The following FAT3 variants were observed in gnomAD, a reference collection of about 807,000 sequenced individuals.
FAT3 encodes the protein protocadherin Fat 3.
FAT3 carries 95 observed loss-of-function variants against 310.2 expected under a neutral mutation model. That is an observed-to-expected ratio of 0.31 (90% CI 0.26 to 0.36). FAT3 has a LOEUF of 0.36. Among genes scored for constraint, FAT3 ranks in the 10% least tolerant of loss-of-function variants. The pLI, the probability that FAT3 is intolerant of heterozygous loss-of-function variation, is 1.00. For synonymous variants in FAT3, 2,314 were observed against 2,192.9 expected, an observed-to-expected ratio of 1.06 and a Z score of -1.54; for missense variants, 5,408 against 5,715.6, an observed-to-expected ratio of 0.95 and a Z score of 1.74.
chr11:92,852,132 G>A (rs1948846691), intron 19 of FAT3, among the ~76,000 whole-genome samples: 4 of 152,132 alleles, frequency 2.6e-5, no homozygotes, highest in African/African-American at 9.7e-5. Flanking sequence ...AGACCAAGGG[G>A]ACACATAACA....
At chr11:92,650,111 C>A (rs1167953109) in intron 3 of FAT3, among the ~76,000 whole-genome samples, 1 of 111,588 alleles carries the variant, frequency 9.0e-6, no homozygotes, top group Admixed American at 8.9e-5. Context: ...GATTGAAATG[C>A]CATTTTTTTT....
Position 92,836,736 on chromosome 11 carries a change from C to T in FAT3, c.10224+33C>T, listed in dbSNP as rs373300965. On this transcript the variant is annotated intron_variant, in intron 16 of 27. Transcript: ENST00000525166. ...AGTTTAGGACAGTTTCCTTCCCATC[C>T]ACATCCACCACTTTCCTAGAATCAG... is the stretch of plus-strand genomic sequence containing the variant. The T allele has an allele frequency of 5.6e-6, 9 of 1,595,904 alleles. No individual in the cohort carries two copies. The African/African-American group carries it at 1.2e-4, about 21-fold the overall frequency.
At chr11:92,885,482 G>C (rs1949774855) in intron 24 of FAT3, among the ~76,000 whole-genome samples, 1 of 152,282 alleles carries the variant, frequency 6.6e-6, no homozygotes, top group South Asian at 2.1e-4. Context: ...ATAACAGAGG[G>C]CCAAGAATGA....
chr11:92,436,170 G>A (rs180807971), intron 2 of FAT3, among the ~76,000 whole-genome samples: 1 of 152,128 alleles, frequency 6.6e-6, no homozygotes, highest in Non-Finnish European at 1.5e-5. Flanking sequence ...CCAGGCTGGA[G>A]CGTAGTGGCT....
At chr11:92,272,920 C>T (rs918957237) in intron 1 of FAT3, among the ~76,000 whole-genome samples, 3 of 152,200 alleles carry the variant, frequency 2.0e-5, no homozygotes, top group Admixed American at 6.5e-5. Context: ...GAGCCTTGCC[C>T]GGTGTTGTGT....
intron 1 of FAT3, among the ~76,000 whole-genome samples, chr11:92,309,267 G>C (rs1029928245): frequency 2.7e-5 from 4 of 148,106 alleles, no homozygotes; most frequent in African/African-American, 1.0e-4. Context: ...TCCATATGTG[G>C]GTCACATCCT....
chr11:92,315,500 TATATATATATATAGAGAG>T (rs1242311778), intron 1 of FAT3, among the ~76,000 whole-genome samples: 12 of 92,260 alleles, frequency 1.3e-4, no homozygotes, highest in African/African-American at 3.2e-4. Flanking sequence ...TATATATATA[TATATATATATATAGAGAG>T]AGAGAGAGAG....
chr11:92,476,995 G>A (rs925742525), intron 2 of FAT3, among the ~76,000 whole-genome samples: 1 of 152,178 alleles, frequency 6.6e-6, no homozygotes, highest in African/African-American at 2.4e-5. Context: ...GCCAATGGTG[G>A]TAATGGAAAA....
At chr11:92,842,224 G>A (rs1252712702) in intron 18 of FAT3, among the ~76,000 whole-genome samples, 1 of 152,192 alleles carries the variant, frequency 6.6e-6, no homozygotes, top group East Asian at 1.9e-4. Context: ...GTTTTCTAGT[G>A]TTTGAAAACT....
At chr11:92,365,453 T>A (rs1591176422) in intron 2 of FAT3, among the ~76,000 whole-genome samples, 1 of 152,198 alleles carries the variant, frequency 6.6e-6, no homozygotes, top group Admixed American at 6.5e-5. Flanking sequence ...CCTCTCTTCC[T>A]TTCCTCCTTC....
chr11:92,368,975 GTA>G (rs988328534), intron 2 of FAT3, among the ~76,000 whole-genome samples: 1 of 151,442 alleles, frequency 6.6e-6, no homozygotes, highest in African/African-American at 2.4e-5. Context: ...GTGTGTATGT[GTA>G]TATATATGTA....
rs572221545 is a variant in FAT3, at chr11:92,817,156, G to T, written c.9481+7080G>T. ...GCCATCTGAGATAAGCAGGGCAGCAGCTGGGCTGAGTGCCCTGAGGAGATG... is the reference window on the plus strand; with the variant it reads ...GCCATCTGAGATAAGCAGGGCAGCATCTGGGCTGAGTGCCCTGAGGAGATG... On this transcript the variant is annotated intron_variant, in intron 13 of 27. Coordinates refer to ENST00000525166, the MANE Select transcript of FAT3 (RefSeq NM_001367949.2). Among the ~76,000 whole-genome samples, 3 of 152,278 alleles carry T rather than the reference G, an allele frequency of 2.0e-5. No individual in the cohort carries two copies. The South Asian group carries it at 6.2e-4, about 32-fold the overall frequency.
intron 1 of FAT3, among the ~76,000 whole-genome samples, chr11:92,252,321 G>C (rs1374030017): frequency 6.6e-6 from 1 of 152,158 alleles, no homozygotes; most frequent in Non-Finnish European, 1.5e-5. Context: ...TCTGCATGAA[G>C]CAAGGTCAAT....
At chr11:92,783,386 T>C (rs963598260) in intron 7 of FAT3, among the ~76,000 whole-genome samples, 1 of 137,148 alleles carries the variant, frequency 7.3e-6, no homozygotes, top group Admixed American at 7.5e-5. Context: ...AAAAAGGCAG[T>C]GGCCTATACT....
chr11:92,741,621 A>T lies in FAT3; in HGVS notation c.3670-20235A>T, dbSNP rs532596132. 3.3e-5 allele frequency among the ~76,000 whole-genome samples: 5 copies of T among 152,262 alleles called. No homozygotes were observed. In the East Asian group the frequency reaches 7.7e-4, roughly 23 times the overall value. On this transcript the variant is annotated intron_variant, in intron 4 of 27. Transcript: ENST00000525166. ...AGTCACCTTGAATTTATCTGTTTGA[A>T]CCTATTTAAGTCTACGGAGTTGATC...
chr11:92,652,862 T>A (rs1300984086), intron 3 of FAT3, among the ~76,000 whole-genome samples: 1 of 152,226 alleles, frequency 6.6e-6, no homozygotes, highest in African/African-American at 2.4e-5. Context: ...GCTCACACTC[T>A]GTTTAAAATC....
At chr11:92,577,816 A>G (rs1938565640) in intron 3 of FAT3, among the ~76,000 whole-genome samples, 1 of 152,088 alleles carries the variant, frequency 6.6e-6, no homozygotes, top group Admixed American at 6.6e-5. Flanking sequence ...TATTTGTGAT[A>G]TGCAATTTTT....
chr11:92,565,909 G>A (rs1204465466), intron 3 of FAT3, among the ~76,000 whole-genome samples: 1 of 152,010 alleles, frequency 6.6e-6, no homozygotes, highest in South Asian at 2.1e-4. Context: ...AGCTATCTAT[G>A]ACAAAACCAC....
chr11:92,833,734 G>A (rs1040328299), intron 14 of FAT3, among the ~76,000 whole-genome samples: 16 of 152,202 alleles, frequency 1.1e-4, no homozygotes, highest in African/African-American at 3.6e-4. Context: ...CAAATAAAAT[G>A]TATGGGGGTT....
Sources: gnomAD v4.1 joint callset for allele counts (sites outside exome capture counted in the v4.1 genomes callset) on GRCh38, gnomAD v4.1.1 for gene constraint, MANE v1.5 for transcripts, NCBI Gene and HGNC (gene_info 2026-07-23, HGNC 2026-07-21) for gene names.